TEX2: variants seen among roughly 807,000 people sequenced by gnomAD.
TEX2 encodes testis expressed 2.
TEX2 carries 53 observed loss-of-function variants against 106.9 expected under a neutral mutation model. That is an observed-to-expected ratio of 0.50 (90% CI 0.40 to 0.62). The LOEUF (loss-of-function observed/expected upper bound fraction) is 0.62, where lower values mean the gene tolerates loss of function less well. Ranked by LOEUF, TEX2 falls within the 20% of genes least tolerant of loss-of-function variation. TEX2 has a pLI of 0.00. For missense variants in TEX2, 1,207 were observed against 1,379.0 expected (o/e 0.88, Z 1.98); for synonymous variants, 523 against 534.8 (o/e 0.98, Z 0.30).
intron 7 of TEX2, among the ~76,000 whole-genome samples, chr17:64,163,626 C>T (rs1305000805): frequency 2.0e-5 from 3 of 152,196 alleles, no homozygotes; most frequent in Non-Finnish European, 4.4e-5. Context: ...CCTGGGGACA[C>T]GGGCAACTCC....
intron 5 of TEX2, 24 bp downstream of exon 5, chr17:64,188,144 G>A (rs776258234): frequency 6.3e-7 from 1 of 1,597,546 alleles, no homozygotes; most frequent in Non-Finnish European, 8.5e-7. Flanking sequence ...AGTGAAAAAG[G>A]TCCGGCCCAG....
At position 64,225,217 on chromosome 17, in the gene TEX2, C is replaced by T. The variant is rs185120133; in HGVS notation, c.-25-10975G>A. ...CTGTAATTCCAACACTCTGAGAAGC[C>T]GAGGCGGGAGGAATGCTTGAGTCCA... On this transcript the variant is annotated intron_variant, in intron 1 of 11. Transcript: ENST00000584379. Among the ~76,000 whole-genome samples, 689 of 151,796 alleles carry T rather than the reference C, an allele frequency of 4.5e-3. 5 individuals are homozygous for T. Among genetic ancestry groups the T allele is most frequent in the African/African-American group, 0.016 (647 of 41,376 alleles).
rs369249908 is a variant in TEX2, at chr17:64,150,939, G to A, written c.3163C>T (p.His1055Tyr). The change falls in exon 11 of 12, where the codon CAT becomes TAT. Residue 1055 changes from histidine to tyrosine, a missense_variant. Around this residue, in one of 3 missense-constraint regions of TEX2, gnomAD observed 63 missense variants for 112.2 expected, o/e 0.56. Coordinates refer to ENST00000584379, the MANE Select transcript of TEX2 (RefSeq NM_001288732.2). ...TTTGGCCGAGCTTTCAGCTCCACAT[G>A]TGGTGGCTTTCGGAAACCATACCTT... ...RVWYGFRKPP[H>Y]VELKARPKLG... is the part of the protein sequence containing the mutation. The A allele has an allele frequency of 1.2e-6, 2 of 1,613,954 alleles. No homozygotes were observed. Among genetic ancestry groups the A allele is most frequent in the Non-Finnish European group, 1.7e-6 (2 of 1,179,926 alleles).
intron 2 of TEX2, among the ~76,000 whole-genome samples, chr17:64,209,606 T>C (rs1038200099): frequency 6.6e-5 from 10 of 152,130 alleles, no homozygotes; most frequent in African/African-American, 2.2e-4. Flanking sequence ...ACAAGGAAAA[T>C]TCAAATACGT....
At chr17:64,207,535 C>T (rs1301352960) in intron 2 of TEX2, among the ~76,000 whole-genome samples, 1 of 152,182 alleles carries the variant, frequency 6.6e-6, no homozygotes. Flanking sequence ...TTCAAACCAG[C>T]TCACTTATCC....
At chr17:64,172,180 C>T (rs1483684830) in intron 6 of TEX2, among the ~76,000 whole-genome samples, 2 of 151,650 alleles carry the variant, frequency 1.3e-5, no homozygotes, top group East Asian at 1.9e-4. Flanking sequence ...CGGTGAAACC[C>T]GTCTCTACTA....
chr17:64,259,056 G>C (rs1261270992), intron 1 of TEX2, among the ~76,000 whole-genome samples: 2 of 152,218 alleles, frequency 1.3e-5, no homozygotes, highest in South Asian at 2.1e-4. Context: ...TCCTGGAAGA[G>C]AGACTTTTAA....
In TEX2 at chr17:64,261,223, C is replaced by CA. The variant is rs368841536; in HGVS notation, c.-26+1944dup. Among the ~76,000 whole-genome samples, 368 of 152,056 alleles carry CA rather than the reference C, an allele frequency of 2.4e-3. 2 individuals are homozygous for CA. The highest frequency in any genetic ancestry group is 8.4e-3 in the African/African-American group (348 of 41,498). ...AAACAAACTCTTCATCCTTTAAAAA[C>CA]AAAAAAACCCTCCATCATTTCTATA... On this transcript the variant is annotated intron_variant, in intron 1 of 11. Transcript: ENST00000584379.
intron 1 of TEX2, among the ~76,000 whole-genome samples, chr17:64,231,199 G>A (rs531633466): frequency 7.2e-5 from 11 of 152,332 alleles, no homozygotes; most frequent in African/African-American, 2.6e-4. Flanking sequence ...CAGTACAGAA[G>A]GTGACTGTGA....
intron 1 of TEX2, among the ~76,000 whole-genome samples, chr17:64,243,046 C>T (rs148928560): frequency 1.1e-3 from 173 of 152,066 alleles, no homozygotes; most frequent in African/African-American, 3.9e-3. Context: ...CTTCTGCCTC[C>T]GCCTCCCGAG....
chr17:64,232,935 T>A (rs1262537924), intron 1 of TEX2, among the ~76,000 whole-genome samples: 1 of 152,142 alleles, frequency 6.6e-6, no homozygotes, highest in Admixed American at 6.5e-5. Flanking sequence ...CAACTGATCA[T>A]CCCTAATCAT....
At chr17:64,201,548 G>C (rs1047883939) in intron 2 of TEX2, among the ~76,000 whole-genome samples, 4 of 152,132 alleles carry the variant, frequency 2.6e-5, no homozygotes, top group Non-Finnish European at 4.4e-5. Context: ...GAGAGGGGAT[G>C]TGATTTGCCT....
chr17:64,231,517 C>A (rs1483638377), intron 1 of TEX2, among the ~76,000 whole-genome samples: 4 of 152,214 alleles, frequency 2.6e-5, no homozygotes, highest in Admixed American at 1.3e-4. Context: ...GTGGACAGGA[C>A]CGTCTCTGGG....
At chr17:64,178,227 C>T (rs2031693472) in intron 5 of TEX2, among the ~76,000 whole-genome samples, 1 of 152,186 alleles carries the variant, frequency 6.6e-6, no homozygotes, top group Admixed American at 6.5e-5. Flanking sequence ...AGAAAGTAAA[C>T]CCAAGTCTCC....
intron 2 of TEX2, among the ~76,000 whole-genome samples, chr17:64,209,332 T>C (rs530620396): frequency 1.3e-5 from 2 of 152,356 alleles, no homozygotes; most frequent in South Asian, 4.1e-4. Flanking sequence ...TTCATAGTAG[T>C]GTCCCTTTTC....
chr17:64,213,275 T>C lies in TEX2; in HGVS notation c.943A>G (p.Ser315Gly), dbSNP rs1161978044. The part of the protein sequence containing the change: ...LSKIIGEESG[S>G]HRPKALSSSA... ...GAAGATAAGGCTTTGGGCCTATGGC[T>C]GCCACTTTCTTCCCCTATAATTTTA... Residue 315 changes from serine to glycine, a missense_variant, in exon 2 of 12, where the codon AGC becomes GGC. This residue lies in a region of TEX2 where 1,067 missense variants were observed against 1,193.6 expected (regional missense o/e 0.89). Coordinates refer to ENST00000584379, the MANE Select transcript of TEX2 (RefSeq NM_001288732.2). This position sits in a 1 kb window ranked among gnomAD's most constrained non-coding sequence, Gnocchi z 4.4. The C allele has an allele frequency of 6.2e-7, 1 of 1,614,076 alleles. No homozygotes were observed. The highest frequency in any genetic ancestry group is 8.5e-7 in the Non-Finnish European group (1 of 1,180,054).
intron 2 of TEX2, among the ~76,000 whole-genome samples, chr17:64,208,159 G>A (rs1173683068): frequency 2.0e-5 from 3 of 152,202 alleles, no homozygotes; most frequent in African/African-American, 7.2e-5. Flanking sequence ...TTCAAATCCT[G>A]TTAAAGATGG....
chr17:64,179,475 T>G (rs1485896787), intron 5 of TEX2, among the ~76,000 whole-genome samples: 1 of 152,220 alleles, frequency 6.6e-6, no homozygotes, highest in East Asian at 1.9e-4. Context: ...TTTGTACTTT[T>G]GCTCTTCACA....
At chr17:64,226,321 A>G (rs1201784685) in intron 1 of TEX2, among the ~76,000 whole-genome samples, 1 of 152,286 alleles carries the variant, frequency 6.6e-6, no homozygotes, top group Middle Eastern at 3.4e-3. Context: ...ATTTTGAAAT[A>G]ATGACAGATT....
Sources: allele counts gnomAD v4.1 joint callset (sites outside exome capture counted in the v4.1 genomes callset), GRCh38; gene constraint gnomAD v4.1.1; regional missense constraint gnomAD v4.1.1; non-coding constraint Gnocchi (gnomAD v3.1); transcripts MANE v1.5; gene names NCBI Gene and HGNC (gene_info 2026-07-23, HGNC 2026-07-21).